The following UST variants were observed in gnomAD, a reference collection of about 807,000 sequenced individuals.
UST encodes chondroitin sulfate 2-O-sulfotransferase.
UST carries 21 observed loss-of-function variants against 45.6 expected under a neutral mutation model. The observed-to-expected ratio is 0.46, with a 90% CI of 0.33 to 0.66. The LOEUF (loss-of-function observed/expected upper bound fraction) is 0.66, where lower values mean the gene tolerates loss of function less well. Ranked by LOEUF, UST falls within the 30% of genes least tolerant of loss-of-function variation. The pLI, the probability that UST is intolerant of heterozygous loss-of-function variation, is 0.02. For synonymous variants in UST, 215 were observed against 200.6 expected (o/e 1.07, Z -0.61); for missense variants, 463 against 512.4 (o/e 0.90, Z 0.93).
At chr6:148,847,797 C>G (rs1778018844) in intron 1 of UST, among the ~76,000 whole-genome samples, 2 of 152,194 alleles carry the variant, frequency 1.3e-5, no homozygotes, top group South Asian at 4.1e-4. Flanking sequence ...AGAGCCTGTT[C>G]TGGGTAAATT....
intron 1 of UST, among the ~76,000 whole-genome samples, chr6:148,789,989 C>G (rs1012557126): frequency 1.6e-5 from 2 of 127,048 alleles, no homozygotes; most frequent in Non-Finnish European, 3.2e-5. Flanking sequence ...TTTCAGGATT[C>G]TTTTTTTTTT....
chr6:148,864,227 C>T (rs1778379433), intron 1 of UST, among the ~76,000 whole-genome samples: 1 of 152,374 alleles, frequency 6.6e-6, no homozygotes, highest in East Asian at 1.9e-4. Flanking sequence ...CCCAGCCTGG[C>T]TGCCACCTCG....
At chr6:148,903,317 A>G (rs1015586434) in intron 2 of UST, among the ~76,000 whole-genome samples, 2 of 152,220 alleles carry the variant, frequency 1.3e-5, no homozygotes, top group Non-Finnish European at 2.9e-5. Flanking sequence ...TTAGTTGACA[A>G]TAAATACATG....
chr6:149,049,931 T>TCACACACACACA (rs59151398), intron 7 of UST, among the ~76,000 whole-genome samples: 7 of 134,474 alleles, frequency 5.2e-5, no homozygotes, highest in African/African-American at 1.4e-4. Context: ...TCTCTCTCTC[T>TCACACACACACA]CACACACACA....
In UST at chr6:148,992,220, C is replaced by T. The variant is rs574593222; in HGVS notation, c.682-26919C>T. ...GACCCCTTAAAGAGTTTTAGAGTCC[C>T]GAGGCCGATCGCGGTGGCTCACGCC... On this transcript the variant is annotated intron_variant, in intron 5 of 7. Coordinates refer to ENST00000367463, the MANE Select transcript of UST (RefSeq NM_005715.3). 1.5e-4 allele frequency among the ~76,000 whole-genome samples: 23 copies of T among 152,138 alleles called. No homozygotes were observed. In the South Asian group the frequency reaches 4.4e-3, roughly 29 times the overall value.
At chr6:149,062,121 G>T (rs9498202) in intron 7 of UST, among the ~76,000 whole-genome samples, 47,193 of 152,070 alleles carry the variant, frequency 0.31, 7,772 homozygotes, top group Non-Finnish European at 0.36. Context: ...TCCTTATCAT[G>T]GCATGTCTTA....
intron 5 of UST, among the ~76,000 whole-genome samples, chr6:148,973,758 T>C (rs999698356): frequency 6.6e-6 from 1 of 152,234 alleles, no homozygotes; most frequent in Non-Finnish European, 1.5e-5. Flanking sequence ...CCCCAAAGGC[T>C]GAATGATCTC....
At chr6:149,038,737 C>A (rs1016324866) in intron 7 of UST, among the ~76,000 whole-genome samples, 2 of 152,102 alleles carry the variant, frequency 1.3e-5, no homozygotes, top group African/African-American at 4.8e-5. Flanking sequence ...GAGGAGCAAA[C>A]CTTGGATTAG....
intron 2 of UST, among the ~76,000 whole-genome samples, chr6:148,902,909 G>A (rs1383917565): frequency 6.6e-6 from 1 of 152,002 alleles, no homozygotes; most frequent in Non-Finnish European, 1.5e-5. Flanking sequence ...TGTTGTTGTT[G>A]TTCTCTGAAT....
chr6:148,802,111 C>T (rs932766929), intron 1 of UST, among the ~76,000 whole-genome samples: 3 of 152,206 alleles, frequency 2.0e-5, no homozygotes, highest in Non-Finnish European at 2.9e-5. Context: ...CTGCCCAAGT[C>T]CCCATGCGGG....
chr6:148,876,273 C>T (rs911903447), intron 1 of UST, among the ~76,000 whole-genome samples: 8 of 152,062 alleles, frequency 5.3e-5, no homozygotes, highest in African/African-American at 1.4e-4. Context: ...AAGGACAGCA[C>T]CAAGCCAGGA....
At chr6:149,024,104 C>T (rs1197699423) in intron 7 of UST, among the ~76,000 whole-genome samples, 1 of 152,204 alleles carries the variant, frequency 6.6e-6, no homozygotes, top group African/African-American at 2.4e-5. Context: ...GGCCAGTCCA[C>T]GTGGTCCAGC....
At position 148,933,816 on chromosome 6, in the gene UST, G is replaced by C. The variant is rs549838404; in HGVS notation, c.292-7463G>C. 1.8e-4 allele frequency among the ~76,000 whole-genome samples: 27 copies of C among 152,226 alleles called. No individual in the cohort carries two copies. The South Asian group carries it at 5.0e-3, about 28-fold the overall frequency. On this transcript the variant is annotated intron_variant, in intron 2 of 7. Coordinates refer to ENST00000367463, the MANE Select transcript of UST (RefSeq NM_005715.3). ...ATGATTAAAACTGTGGAAAGGAAGA[G>C]AAAGATAAAAGGAAGATAAAGGTAG...
chr6:148,829,169 G>A (rs911898559), intron 1 of UST, among the ~76,000 whole-genome samples: 2 of 152,026 alleles, frequency 1.3e-5, no homozygotes, highest in African/African-American at 4.8e-5. Flanking sequence ...ATGGATGGAT[G>A]GATGGATGGA....
rs1776857468 is a variant in UST, at chr6:149,074,124, G to C, written c.*8G>C. 6.2e-7 allele frequency: 1 copy of C among 1,612,002 alleles called. No homozygotes were observed. The highest frequency in any genetic ancestry group is 1.1e-5 in the South Asian group (1 of 91,028). On this transcript the variant is annotated 3_prime_UTR_variant, in exon 8 of 8. Transcript: ENST00000367463. ...GATATTTATAAGAGGTGATGTGACT[G>C]TGTTGCCTCTATGGCTTTATCTCCC...
intron 2 of UST, among the ~76,000 whole-genome samples, chr6:148,917,413 C>T (rs1330136206): frequency 3.3e-5 from 5 of 151,848 alleles, no homozygotes; most frequent in African/African-American, 1.2e-4. Flanking sequence ...GCTGAAGTCA[C>T]ATACTAACTG....
intron 1 of UST, among the ~76,000 whole-genome samples, chr6:148,822,135 C>G (rs1328448004): frequency 6.6e-6 from 1 of 152,150 alleles, no homozygotes; most frequent in Non-Finnish European, 1.5e-5. Flanking sequence ...CACATTGCTA[C>G]TGGAAGGTTG....
chr6:148,949,259 C>G (rs907210403), intron 3 of UST, among the ~76,000 whole-genome samples: 1 of 150,724 alleles, frequency 6.6e-6, no homozygotes, highest in South Asian at 2.1e-4. Context: ...CCACTGCACT[C>G]CAGCCTGGGC....
intron 3 of UST, among the ~76,000 whole-genome samples, chr6:148,952,279 A>G (rs115488088): frequency 1.6e-3 from 251 of 152,362 alleles, no homozygotes; most frequent in African/African-American, 5.7e-3. Flanking sequence ...TTTACTACCA[A>G]AAACAAGCAC....
Sources: gnomAD v4.1 joint callset for allele counts (sites outside exome capture counted in the v4.1 genomes callset) on GRCh38, gnomAD v4.1.1 for gene constraint, MANE v1.5 for transcripts, NCBI Gene and HGNC (gene_info 2026-07-23, HGNC 2026-07-21) for gene names.